The following ZNF93 variants were observed in gnomAD, a reference collection of about 807,000 sequenced individuals.
The protein encoded by ZNF93 is zinc finger protein 93, also known as zinc finger protein 505.
ZNF93 carries 29 observed loss-of-function variants against 45.0 expected under a neutral mutation model. The ratio of observed to expected loss-of-function variants is 0.64; its 90% CI spans 0.48 to 0.88. The LOEUF is 0.88. ZNF93 is among the 40% of genes least tolerant of loss of function. ZNF93 has a pLI of 0.00. For missense variants in ZNF93, 578 were observed against 724.0 expected, an observed-to-expected ratio of 0.80 and a Z score of 2.31; for synonymous variants, 223 against 244.6, an observed-to-expected ratio of 0.91 and a Z score of 0.82.
At chr19:19,918,799 GT>G in intron 3 of ZNF93, among the ~76,000 whole-genome samples, 1 of 152,114 alleles carries the variant, frequency 6.6e-6, no homozygotes, top group East Asian at 1.9e-4. Flanking sequence ...CGATGGGGTT[GT>G]TTGTTTTTTT....
intron 3 of ZNF93, among the ~76,000 whole-genome samples, chr19:19,916,950 C>T (rs1039719234): frequency 1.3e-5 from 2 of 152,090 alleles, no homozygotes; most frequent in South Asian, 4.2e-4. Context: ...TACAATCTGG[C>T]TGCTTTTCCA....
At chr19:19,904,116 A>AT (rs60853268) in intron 1 of ZNF93, among the ~76,000 whole-genome samples, 26,422 of 140,922 alleles carry the variant, frequency 0.19, 4,761 homozygotes, top group African/African-American at 0.47. Context: ...AATACAGCTG[A>AT]TTTTTTTTTT....
intron 3 of ZNF93, chr19:19,927,371 C>A: frequency 2.5e-6 from 1 of 394,468 alleles, no homozygotes. Flanking sequence ...AAAAGCTGTT[C>A]ATTTCAGGCA....
chr19:19,901,222 G>C, intron 1 of ZNF93, 131 bp downstream of exon 1: 1 of 1,471,760 alleles, frequency 6.8e-7, no homozygotes, highest in African/African-American at 1.4e-5. Flanking sequence ...TGCCCAGCTC[G>C]GCCTCGGTTC....
intron 1 of ZNF93, chr19:19,914,888 T>C: frequency 6.1e-6 from 2 of 329,876 alleles, no homozygotes; most frequent in Non-Finnish European, 1.1e-5. Flanking sequence ...AACCCCCGCA[T>C]AACAAGGTCT....
At position 19,930,656 on chromosome 19, in the gene ZNF93, A is replaced by C. The variant is rs148900392; in HGVS notation, c.227-2526A>C. Among the ~76,000 whole-genome samples the C allele has an allele frequency of 1.8e-3, 270 of 152,296 alleles. 2 individuals are homozygous for C. Among genetic ancestry groups the C allele is most frequent in the African/African-American group, 6.3e-3 (262 of 41,578 alleles). ...AAGGCTCTCACTCTTGTCTTCTGGTAACTTCTCACTATGTCCCCTCAGCTC... is the reference window on the plus strand; with the variant it reads ...AAGGCTCTCACTCTTGTCTTCTGGTCACTTCTCACTATGTCCCCTCAGCTC... On this transcript the variant is annotated intron_variant, in intron 3 of 3. Coordinates refer to ENST00000343769, the MANE Select transcript of ZNF93 (RefSeq NM_031218.4).
At chr19:19,923,994 G>A (rs560824227) in intron 3 of ZNF93, among the ~76,000 whole-genome samples, 22 of 152,136 alleles carry the variant, frequency 1.4e-4, no homozygotes, top group Non-Finnish European at 2.4e-4. Context: ...GAAATCATCC[G>A]TCTTCTGTGT....
chr19:19,916,807 A>T, intron 3 of ZNF93, 152 bp downstream of exon 3: 1 of 585,286 alleles, frequency 1.7e-6, no homozygotes, highest in Non-Finnish European at 3.0e-6. Context: ...TCTGTTTTTT[A>T]ATTTTGTTCT....
At chr19:19,908,011 T>C (rs2063297679) in intron 1 of ZNF93, among the ~76,000 whole-genome samples, 1 of 152,240 alleles carries the variant, frequency 6.6e-6, no homozygotes, top group Non-Finnish European at 1.5e-5. Flanking sequence ...CATACTTATT[T>C]ATATCTAATA....
Position 19,933,444 on chromosome 19 carries a change from T to G in ZNF93, c.489T>G (p.His163Gln). 1.3e-6 allele frequency: 2 copies of G among 1,598,036 alleles called. No individual in the cohort carries two copies. Among genetic ancestry groups the G allele is most frequent in the Non-Finnish European group, 1.7e-6 (2 of 1,175,148 alleles). Reference protein sequence around the residue: ...VFHKFSNSNRHNIRHTEKKPF... With the variant: ...VFHKFSNSNRQNIRHTEKKPF... ...ATAAATTTTCAAATTCAAATAGACA[T>G]AATATAAGACATACTGAAAAAAAAC... Residue 163 changes from histidine to glutamine, a missense_variant, in exon 4 of 4, where the codon CAT becomes CAG. Physicochemically the swap from His to Gln is conservative, Grantham distance 24. Transcript: ENST00000343769.
intron 3 of ZNF93, among the ~76,000 whole-genome samples, chr19:19,921,858 C>G (rs563472282): frequency 3.1e-4 from 47 of 152,076 alleles, no homozygotes; most frequent in African/African-American, 1.1e-3. Context: ...AGATGGGTTT[C>G]CTGAATATAG....
At chr19:19,903,279 G>A (rs560233311) in intron 1 of ZNF93, among the ~76,000 whole-genome samples, 1 of 152,200 alleles carries the variant, frequency 6.6e-6, no homozygotes, top group South Asian at 2.1e-4. Flanking sequence ...GCAAATGGAG[G>A]GTGAAAAAGT....
chr19:19,931,891 T>A, intron 3 of ZNF93: 1 of 262,686 alleles, frequency 3.8e-6, no homozygotes, highest in Non-Finnish European at 7.5e-6. Context: ...TACATACATC[T>A]TAAAGTTAAA....
At chr19:19,929,765 C>T (rs1220479757) in intron 3 of ZNF93, among the ~76,000 whole-genome samples, 3 of 151,010 alleles carry the variant, frequency 2.0e-5, no homozygotes, top group African/African-American at 7.3e-5. Flanking sequence ...GGTGAAACCC[C>T]GTCTCTACTA....
In ZNF93 at chr19:19,934,353, A is replaced by G. The variant is rs559404029; in HGVS notation, c.1398A>G (p.Ser466=). The change falls in exon 4 of 4, where the codon TCA becomes TCG. Residue 466 remains serine (S), a synonymous_variant. Coordinates refer to ENST00000343769, the MANE Select transcript of ZNF93 (RefSeq NM_031218.4). ...GTGGCAAAGCTTTTAACCAGTCCTC[A>G]TCCCTTACTAAACATAAGAAAATTC... is the stretch of plus-strand genomic sequence containing the variant. ...EECGKAFNQS[S]SLTKHKKIHT... is the part of the protein sequence containing the mutation. The G allele has an allele frequency of 1.9e-6, 3 of 1,612,832 alleles. No homozygotes were observed. The highest frequency in any genetic ancestry group is 1.1e-5 in the South Asian group (1 of 90,954).
At chr19:19,914,950 T>G in intron 1 of ZNF93, 1 of 340,726 alleles carries the variant, frequency 2.9e-6, no homozygotes, top group South Asian at 2.5e-5. Context: ...ACTCAACATG[T>G]CTTTTCCATA....
rs185584803 is a variant in ZNF93, at chr19:19,934,430, A to G, written c.1475A>G (p.Gln492Arg). 9 of 1,612,932 alleles carry G rather than the reference A, an allele frequency of 5.6e-6. No individual in the cohort carries two copies. Among genetic ancestry groups the G allele is most frequent in the Non-Finnish European group, 7.6e-6 (9 of 1,179,906 alleles). ...GAAGAATGTGGCAAAGCTTTTAACC[A>G]GTCCTCTTCCCTTACTAAACATAAG... ...KCEECGKAFN[Q>R]SSSLTKHKKI... The change falls in exon 4 of 4, where the codon CAG (glutamine) becomes CGG (arginine). Residue 492 changes from glutamine (Q) to arginine (R), a missense_variant. Gln to Arg is a conservative substitution (Grantham distance 43). Coordinates refer to ENST00000343769, the MANE Select transcript of ZNF93 (RefSeq NM_031218.4).
intron 2 of ZNF93, among the ~76,000 whole-genome samples, chr19:19,916,136 G>A (rs1008763022): frequency 6.8e-6 from 1 of 146,540 alleles, no homozygotes; most frequent in Non-Finnish European, 1.5e-5. Flanking sequence ...GAATGATCTT[G>A]GCTTACTGCA....
chr19:19,904,060 A>G lies in ZNF93; in HGVS notation c.3+2969A>G, dbSNP rs367761690. ...GGCAACAGAGCGAGATTCTGGCTGGAAAAAAAAAAAAAAAAAGAAATATTT... is the reference window on the plus strand; with the variant it reads ...GGCAACAGAGCGAGATTCTGGCTGGGAAAAAAAAAAAAAAAAGAAATATTT... On this transcript the variant is annotated intron_variant, in intron 1 of 3. Transcript: ENST00000343769. 7.8e-3 allele frequency among the ~76,000 whole-genome samples: 844 copies of G among 108,086 alleles called. 13 individuals carry two copies. The highest frequency in any genetic ancestry group is 0.038 in the African/African-American group (760 of 20,214). The allele number at this position is 108,086 out of a possible 152,430, so 70.9% of individuals were successfully genotyped here. A position where few individuals can be genotyped will look rare whatever the true frequency, so the allele number is the denominator to read the frequency against.
Sources: allele counts gnomAD v4.1 joint callset (sites outside exome capture counted in the v4.1 genomes callset), GRCh38; gene constraint gnomAD v4.1.1; transcripts MANE v1.5; gene names NCBI Gene and HGNC (gene_info 2026-07-23, HGNC 2026-07-21).